Variants in SIPA1L1 observed in about 807,000 individuals in gnomAD.
SIPA1L1 encodes the protein signal induced proliferation associated 1 like 1.
Under a neutral mutation model 162.7 loss-of-function variants are expected in SIPA1L1, and 26 were observed. The ratio of observed to expected loss-of-function variants is 0.16; its 90% CI spans 0.12 to 0.22. The LOEUF (loss-of-function observed/expected upper bound fraction) is 0.22, where lower values mean the gene tolerates loss of function less well. SIPA1L1 is among the 10% of genes least tolerant of loss of function. The probability of loss-of-function intolerance (pLI) is 1.00; values close to 1 mark genes in which losing one functional copy is unlikely to be tolerated. For synonymous variants in SIPA1L1, 829 were observed against 837.4 expected, an observed-to-expected ratio of 0.99 and a Z score of 0.17; for missense variants, 1,874 against 2,241.0, an observed-to-expected ratio of 0.84 and a Z score of 3.31.
intron 5 of SIPA1L1, among the ~76,000 whole-genome samples, chr14:71,616,302 T>C (rs971485189): frequency 2.0e-5 from 3 of 152,134 alleles, no homozygotes; most frequent in African/African-American, 4.8e-5. Context: ...AAAAGTACCA[T>C]TTGTTTTAAC....
At chr14:71,682,857 A>C (rs1243586616) in intron 12 of SIPA1L1, among the ~76,000 whole-genome samples, 1 of 152,242 alleles carries the variant, frequency 6.6e-6, no homozygotes. Flanking sequence ...AAAACAGCCT[A>C]TGAAAGTACT....
intron 2 of SIPA1L1, chr14:71,330,731 A>C (rs1182364691): frequency 2.3e-6 from 2 of 853,456 alleles, no homozygotes; most frequent in Non-Finnish European, 4.1e-6. Context: ...ACCACCGGGT[A>C]GTCATCATAA....
intron 2 of SIPA1L1, among the ~76,000 whole-genome samples, chr14:71,483,944 T>G (rs930713824): frequency 2.0e-5 from 3 of 152,204 alleles, no homozygotes; most frequent in Non-Finnish European, 4.4e-5. Context: ...ACCTCTGCAC[T>G]CCGTAGCACC....
intron 2 of SIPA1L1, among the ~76,000 whole-genome samples, chr14:71,452,021 T>C (rs1452893964): frequency 1.3e-5 from 2 of 152,220 alleles, no homozygotes; most frequent in Admixed American, 6.5e-5. Context: ...CTTGACTTAC[T>C]TGCTTATAAG....
intron 8 of SIPA1L1, among the ~76,000 whole-genome samples, chr14:71,654,438 T>C (rs959738028): frequency 7.2e-5 from 11 of 152,194 alleles, no homozygotes; most frequent in Admixed American, 6.5e-4. Flanking sequence ...TTTGGGGGAA[T>C]TATTTCCTGA....
At chr14:71,567,257 G>A (rs2030847560) in intron 4 of SIPA1L1, among the ~76,000 whole-genome samples, 1 of 152,118 alleles carries the variant, frequency 6.6e-6, no homozygotes, top group Admixed American at 6.5e-5. Flanking sequence ...TCCCATTCTA[G>A]AGCTCTCTAG....
At chr14:71,630,526 C>T (rs1016366542) in intron 7 of SIPA1L1, among the ~76,000 whole-genome samples, 5 of 152,190 alleles carry the variant, frequency 3.3e-5, no homozygotes, top group African/African-American at 1.2e-4. Flanking sequence ...GATGCAGGAA[C>T]TGGTGGCAAA....
intron 6 of SIPA1L1, among the ~76,000 whole-genome samples, chr14:71,619,632 C>T (rs1330287432): frequency 2.0e-5 from 3 of 151,828 alleles, no homozygotes; most frequent in Non-Finnish European, 4.4e-5. Flanking sequence ...GGCCACTTAT[C>T]GATTTATTGC....
chr14:71,734,295 T>C (rs1484197380), intron 21 of SIPA1L1, among the ~76,000 whole-genome samples: 1 of 152,248 alleles, frequency 6.6e-6, no homozygotes, highest in Non-Finnish European at 1.5e-5. Context: ...CTGCTGGCCG[T>C]GTGCTCGCTT....
chr14:71,517,168 A>T (rs1480575754), intron 3 of SIPA1L1, among the ~76,000 whole-genome samples: 3 of 151,732 alleles, frequency 2.0e-5, no homozygotes, highest in East Asian at 3.9e-4. Context: ...AAACTGGGGG[A>T]TCACATTATT....
chr14:71,638,002 C>A (rs1290231849), intron 7 of SIPA1L1, among the ~76,000 whole-genome samples: 1 of 152,084 alleles, frequency 6.6e-6, no homozygotes, highest in Admixed American at 6.5e-5. Flanking sequence ...ACAGTCACAA[C>A]TCAGCTAACT....
At chr14:71,562,978 G>T (rs1342577668) in intron 4 of SIPA1L1, among the ~76,000 whole-genome samples, 1 of 152,102 alleles carries the variant, frequency 6.6e-6, no homozygotes, top group Non-Finnish European at 1.5e-5. Context: ...GCACTTTGTA[G>T]CATGTCAAAA....
intron 2 of SIPA1L1, among the ~76,000 whole-genome samples, chr14:71,422,579 A>G (rs540347550): frequency 1.3e-5 from 2 of 152,112 alleles, no homozygotes; most frequent in East Asian, 3.9e-4. Context: ...ATCATACATT[A>G]TTTGTCTTTT....
chr14:71,672,957 GAC>G (rs1308352237), intron 12 of SIPA1L1, among the ~76,000 whole-genome samples: 1 of 152,204 alleles, frequency 6.6e-6, no homozygotes, highest in African/African-American at 2.4e-5. Context: ...AACATTAAAA[GAC>G]ACTCAACATC....
chr14:71,637,642 T>A (rs1172718926), intron 7 of SIPA1L1, among the ~76,000 whole-genome samples: 1 of 151,986 alleles, frequency 6.6e-6, no homozygotes, highest in Non-Finnish European at 1.5e-5. Context: ...GAGGATCAAT[T>A]AAGTCCAGAA....
At chr14:71,329,151 A>C (rs2034202238) in intron 2 of SIPA1L1, among the ~76,000 whole-genome samples, 2 of 152,168 alleles carry the variant, frequency 1.3e-5, no homozygotes, top group African/African-American at 4.8e-5. Context: ...TGGGTATACC[A>C]CATTTTGTTT....
At chr14:71,365,959 C>T (rs927756852) in intron 2 of SIPA1L1, among the ~76,000 whole-genome samples, 1 of 147,018 alleles carries the variant, frequency 6.8e-6, no homozygotes, top group African/African-American at 2.5e-5. Context: ...CTCTTGGGCT[C>T]AAGCCGTCCT....
At chr14:71,682,988 G>A (rs977515080) in intron 12 of SIPA1L1, among the ~76,000 whole-genome samples, 4 of 151,974 alleles carry the variant, frequency 2.6e-5, no homozygotes, top group East Asian at 1.9e-4. Flanking sequence ...ACCCTGTCTC[G>A]ACAAACAATA....
intron 2 of SIPA1L1, among the ~76,000 whole-genome samples, chr14:71,447,051 A>G (rs959947912): frequency 1.1e-4 from 16 of 150,780 alleles, no homozygotes; most frequent in African/African-American, 3.9e-4. Flanking sequence ...AGCTGGGACT[A>G]CAGGCATGCA....
Sources: allele counts gnomAD v4.1 joint callset (sites outside exome capture counted in the v4.1 genomes callset), GRCh38; gene constraint gnomAD v4.1.1; transcripts MANE v1.5; gene names NCBI Gene and HGNC (gene_info 2026-07-23, HGNC 2026-07-21).